NCOR1: variants seen among roughly 807,000 people sequenced by gnomAD.
NCOR1 encodes the protein nuclear receptor corepressor 1.
NCOR1 carries 63 observed loss-of-function variants against 288.1 expected under a neutral mutation model. The ratio of observed to expected loss-of-function variants is 0.22; its 90% CI spans 0.18 to 0.27. NCOR1 has a LOEUF of 0.27. Ranked by LOEUF, NCOR1 falls within the 10% of genes least tolerant of loss-of-function variation. The pLI is 1.00. For missense variants in NCOR1, 2,397 were observed against 3,019.2 expected (o/e 0.79, Z 4.83); for synonymous variants, 1,007 against 1,065.9 (o/e 0.94, Z 1.08).
intron 20 of NCOR1, 152 bp from the exon 21 acceptor site, chr17:16,098,648 A>G (rs2152977162): frequency 1.7e-6 from 1 of 588,264 alleles, no homozygotes; most frequent in East Asian, 3.4e-5. Flanking sequence ...ATATTTGGAC[A>G]GTTAAGGAAA....
chr17:16,183,774 A>G (rs984900465), intron 3 of NCOR1, among the ~76,000 whole-genome samples: 16 of 152,182 alleles, frequency 1.1e-4, no homozygotes, highest in Non-Finnish European at 1.9e-4. Flanking sequence ...AAGACCCCCA[A>G]TAGCAAAATC....
At chr17:16,189,664 G>GA (rs1231291412) in intron 2 of NCOR1, among the ~76,000 whole-genome samples, 2 of 151,946 alleles carry the variant, frequency 1.3e-5, no homozygotes, top group Non-Finnish European at 2.9e-5. Flanking sequence ...TCTGAAATTA[G>GA]AAAAAACATA....
chr17:16,169,727 T>C (rs1460480032), intron 4 of NCOR1, among the ~76,000 whole-genome samples: 1 of 152,248 alleles, frequency 6.6e-6, no homozygotes, highest in African/African-American at 2.4e-5. Context: ...CGTCCCATTT[T>C]AATGAATGAG....
At chr17:16,072,367 T>C (rs1668871566) in intron 28 of NCOR1, 139 bp from the exon 29 acceptor site, 2 of 545,930 alleles carry the variant, frequency 3.7e-6, no homozygotes, top group Non-Finnish European at 6.1e-6. Flanking sequence ...TTGTGAACTA[T>C]CCAGAAGTAC....
chr17:16,171,144 T>G (rs2083076830), intron 4 of NCOR1, among the ~76,000 whole-genome samples: 1 of 152,126 alleles, frequency 6.6e-6, no homozygotes, highest in Admixed American at 6.5e-5. Flanking sequence ...CTTGATGTGT[T>G]TCCCAATGTA....
chr17:16,109,167 A>G (rs1234884035), intron 18 of NCOR1, among the ~76,000 whole-genome samples: 3 of 152,096 alleles, frequency 2.0e-5, no homozygotes, highest in Admixed American at 2.0e-4. Context: ...ACTCACCACT[A>G]TACATGTATA....
Position 16,036,157 on chromosome 17 carries a change from GT to G in NCOR1, c.6956-1214del, listed in dbSNP as rs201332839. On this transcript the variant is annotated intron_variant, in intron 44 of 45. Coordinates refer to ENST00000268712, the MANE Select transcript of NCOR1 (RefSeq NM_006311.4). ...TTGATCCATGGGCTTCAGAATGGAT[GT>G]TGTGTTAGCAGGCATGAAAACAACA... 5.0e-3 allele frequency among the ~76,000 whole-genome samples: 767 copies of G among 152,330 alleles called. 9 individuals carry two copies. The highest frequency in any genetic ancestry group is 0.017 in the African/African-American group (722 of 41,586).
intron 1 of NCOR1, among the ~76,000 whole-genome samples, chr17:16,194,879 T>C (rs529883288): frequency 6.6e-6 from 1 of 152,318 alleles, no homozygotes; most frequent in South Asian, 2.1e-4. Context: ...AAAAACAGTA[T>C]ATAAAAACAG....
In NCOR1 at chr17:16,126,133, T is replaced by A; in HGVS notation, c.1583A>T (p.Lys528Ile). ...EEDKAEKTEK[K>I]EEEKKDEEEK... ...CTCTTCATCTTTCTTTTCTTCTTCT[T>A]TTTTTTCTGTTTTTTCTGCTTTATC... is the stretch of plus-strand genomic sequence containing the variant. Residue 528 changes from lysine to isoleucine, a missense_variant, in exon 15 of 46, where the codon AAA becomes ATA. Lys to Ile is a moderately radical substitution (Grantham distance 102). This residue lies in a region of NCOR1 where 113 missense variants were observed against 139.5 expected (regional missense o/e 0.81). Transcript: ENST00000268712. 3 of 1,550,776 alleles carry A rather than the reference T, an allele frequency of 1.9e-6. No homozygotes were observed. In the Admixed American group the frequency reaches 5.6e-5, roughly 29 times the overall value.
At chr17:16,167,521 A>G (rs1413152019) in intron 4 of NCOR1, among the ~76,000 whole-genome samples, 1 of 152,152 alleles carries the variant, frequency 6.6e-6, no homozygotes, top group East Asian at 1.9e-4. Context: ...CAAAAGATAT[A>G]AAAGACATTA....
intron 20 of NCOR1, among the ~76,000 whole-genome samples, chr17:16,100,458 C>T (rs1256379510): frequency 2.6e-5 from 4 of 151,896 alleles, no homozygotes; most frequent in Admixed American, 1.3e-4. Flanking sequence ...CTGGCCAACA[C>T]GGCAAAACCC....
In NCOR1 at chr17:16,152,007, G is replaced by A. The variant is rs754572560; in HGVS notation, c.790-9C>T. ...GGCTGGTTATACAGTGGCTATAAAA[G>A]AAATCAAATATTTATGTATAAAATG... is the stretch of plus-strand genomic sequence containing the variant. On this transcript the variant is annotated splice_polypyrimidine_tract_variant and intron_variant, in intron 7 of 45. Coordinates refer to ENST00000268712, the MANE Select transcript of NCOR1 (RefSeq NM_006311.4). 6.4e-7 allele frequency: 1 copy of A among 1,557,884 alleles called. No individual in the cohort carries two copies.
intron 9 of NCOR1, among the ~76,000 whole-genome samples, chr17:16,149,098 T>G (rs2078467864): frequency 6.6e-6 from 1 of 151,998 alleles, no homozygotes; most frequent in African/African-American, 2.4e-5. Context: ...TAGTAATGTC[T>G]CATCAGCATG....
chr17:16,105,700 A>C (rs2068479026), intron 19 of NCOR1, among the ~76,000 whole-genome samples: 1 of 151,170 alleles, frequency 6.6e-6, no homozygotes, highest in Non-Finnish European at 1.5e-5. Flanking sequence ...TGGAGTTCAC[A>C]TGAGAGTTCA....
At chr17:16,136,806 C>CAAAA (rs60523446) in intron 14 of NCOR1, among the ~76,000 whole-genome samples, 53 of 111,330 alleles carry the variant, frequency 4.8e-4, no homozygotes, top group South Asian at 6.2e-4. Flanking sequence ...GACTCTGTTT[C>CAAAA]AAAAAAAAAA....
In NCOR1 at chr17:16,165,443, T is replaced by C. The variant is rs529265220; in HGVS notation, c.436-282A>G. Reference sequence around the variant, plus strand: ...ATAACAATACTGAAATTATAGAGAATTTATAGGTAAATAATGCAATCATGA... The same window carrying C: ...ATAACAATACTGAAATTATAGAGAACTTATAGGTAAATAATGCAATCATGA... On this transcript the variant is annotated intron_variant, in intron 4 of 45. Coordinates refer to ENST00000268712, the MANE Select transcript of NCOR1 (RefSeq NM_006311.4). Among the ~76,000 whole-genome samples the C allele has an allele frequency of 1.4e-3, 219 of 152,302 alleles. 3 individuals are homozygous for C. The highest frequency in any genetic ancestry group is 2.2e-3 in the Admixed American group (34 of 15,292).
intron 1 of NCOR1, among the ~76,000 whole-genome samples, chr17:16,197,231 G>C (rs575541410): frequency 7.9e-5 from 12 of 151,434 alleles, no homozygotes; most frequent in Admixed American, 7.9e-4. Context: ...TGAGGCAGGA[G>C]AATCACTTGA....
intron 5 of NCOR1, among the ~76,000 whole-genome samples, chr17:16,159,692 G>A (rs1162663480): frequency 1.3e-5 from 2 of 152,064 alleles, no homozygotes; most frequent in African/African-American, 4.8e-5. Context: ...CGGTCAAAGG[G>A]CAATCAACAA....
intron 8 of NCOR1, among the ~76,000 whole-genome samples, chr17:16,150,831 T>A (rs1274266559): frequency 6.6e-6 from 1 of 152,162 alleles, no homozygotes; most frequent in Non-Finnish European, 1.5e-5. Context: ...CTAACTTACT[T>A]CTAAGGGTTC....
Sources: gnomAD v4.1 joint callset for allele counts (sites outside exome capture counted in the v4.1 genomes callset) on GRCh38, gnomAD v4.1.1 for gene constraint, gnomAD v4.1.1 regional missense constraint, MANE v1.5 for transcripts, NCBI Gene and HGNC (gene_info 2026-07-23, HGNC 2026-07-21) for gene names.